TWIST2: variants seen among roughly 807,000 people sequenced by gnomAD.
The protein encoded by TWIST2 is twist family bHLH transcription factor 2.
In TWIST2, 1 loss-of-function variant was observed where a neutral mutation model predicts 11.6. The observed-to-expected ratio is 0.09, with a 90% CI of 0.03 to 0.41. The LOEUF (loss-of-function observed/expected upper bound fraction) is 0.41. Among genes scored for constraint, TWIST2 ranks in the 10% least tolerant of loss-of-function variants. The pLI is 0.98. For missense variants in TWIST2, 168 were observed against 226.4 expected (o/e 0.74, Z 1.66); for synonymous variants, 87 against 96.6 (o/e 0.90, Z 0.58).
chr2:238,875,470 CATGTGATGCTGGCCA>C (rs1692787401), intron 1 of TWIST2, among the ~76,000 whole-genome samples: 1 of 152,122 alleles, frequency 6.6e-6, no homozygotes, highest in African/African-American at 2.4e-5. Context: ...TTTAGAAGTC[CATGTGATGCTGGCCA>C]AGCATCCCAG....
chr2:238,906,356 A>G (rs1390982335), intron 1 of TWIST2, among the ~76,000 whole-genome samples: 2 of 151,844 alleles, frequency 1.3e-5, no homozygotes, highest in Admixed American at 6.6e-5. Flanking sequence ...TGACACACGG[A>G]CCCACTCACG....
chr2:238,883,251 A>T (rs1692969673), intron 1 of TWIST2, among the ~76,000 whole-genome samples: 1 of 151,956 alleles, frequency 6.6e-6, no homozygotes, highest in African/African-American at 2.4e-5. Flanking sequence ...CCAGGCAGTC[A>T]CCCCTCGTGG....
Position 238,909,833 on chromosome 2 carries a change from ATC to A in TWIST2, c.*36-7_*36-6del, listed in dbSNP as rs1693423980. On this transcript the variant is annotated splice_region_variant and splice_polypyrimidine_tract_variant and intron_variant, in intron 1 of 1. Transcript: ENST00000612363. ...CCGTAGCTCACGGTCCCCCTTCCGT[ATC>A]TTCCAGGCTGTCCGTCGCGTCGGCG... The A allele has an allele frequency of 6.6e-6, 1 of 152,272 alleles. No homozygotes were observed. The highest frequency in any genetic ancestry group is 2.4e-5 in the African/African-American group (1 of 41,460). The allele number at this position is 152,272 out of a possible 1,614,324, so 9.4% of individuals were successfully genotyped here. A position where few individuals can be genotyped will look rare whatever the true frequency, so the allele number is the denominator to read the frequency against.
intron 1 of TWIST2, among the ~76,000 whole-genome samples, chr2:238,850,509 C>A (rs545768063): frequency 6.6e-6 from 1 of 152,248 alleles, no homozygotes; most frequent in African/African-American, 2.4e-5. Context: ...CTTTAATTAT[C>A]GTTAAGACTG....
In TWIST2 at chr2:238,908,330, T is replaced by C. The variant is rs977422100; in HGVS notation, c.*36-1512T>C. On this transcript the variant is annotated intron_variant, in intron 1 of 1. Coordinates refer to ENST00000612363, the MANE Select transcript of TWIST2 (RefSeq NM_001271893.4). The stretch of plus-strand genomic sequence containing the variant: ...TACATAGACACCACATACACACACA[T>C]ACCACACACACAAACACACCACACC... Among the ~76,000 whole-genome samples the C allele has an allele frequency of 1.3e-4, 13 of 100,050 alleles. No homozygotes were observed. In the South Asian group the frequency reaches 2.3e-3, roughly 18 times the overall value. 65.6% of individuals were successfully genotyped at this position (100,050 alleles called of 152,430 possible).
At chr2:238,909,347 G>A (rs932449712) in intron 1 of TWIST2, among the ~76,000 whole-genome samples, 5 of 152,076 alleles carry the variant, frequency 3.3e-5, no homozygotes, top group African/African-American at 9.7e-5. Context: ...AGAATCCGCC[G>A]TTGACAGCTC....
At chr2:238,878,670 GGTAACGCAGAACACA>G (rs1258735519) in intron 1 of TWIST2, among the ~76,000 whole-genome samples, 1 of 152,232 alleles carries the variant, frequency 6.6e-6, no homozygotes, top group Non-Finnish European at 1.5e-5. Flanking sequence ...TCCTCCAGGA[GGTAACGCAGAACACA>G]AACCTTTCTC....
intron 1 of TWIST2, among the ~76,000 whole-genome samples, chr2:238,861,572 C>T (rs951158894): frequency 6.6e-6 from 1 of 152,104 alleles, no homozygotes; most frequent in Non-Finnish European, 1.5e-5. Flanking sequence ...TCCTCCACTC[C>T]TCCTCCCTAT....
intron 1 of TWIST2, among the ~76,000 whole-genome samples, chr2:238,862,174 G>A (rs981602246): frequency 2.7e-5 from 4 of 149,642 alleles, no homozygotes; most frequent in Admixed American, 6.6e-5. Context: ...AGGCCTTTCC[G>A]ACCATCTGCT....
chr2:238,898,186 C>T (rs2106372015), intron 1 of TWIST2, among the ~76,000 whole-genome samples: 1 of 152,214 alleles, frequency 6.6e-6, no homozygotes, highest in East Asian at 1.9e-4. Context: ...TTGCCTGTAA[C>T]CAGCTGCCCC....
intron 1 of TWIST2, among the ~76,000 whole-genome samples, chr2:238,886,437 G>A (rs1378539782): frequency 1.3e-5 from 2 of 152,112 alleles, no homozygotes; most frequent in African/African-American, 4.8e-5. Context: ...CAGTATGAGG[G>A]AGAATTCGAA....
In TWIST2 at chr2:238,852,015, T is replaced by G. The variant is rs139721121; in HGVS notation, c.*35+3282T>G. Among the ~76,000 whole-genome samples, 585 of 152,312 alleles carry G rather than the reference T, an allele frequency of 3.8e-3. 2 individuals are homozygous for G. Among genetic ancestry groups the G allele is most frequent in the African/African-American group, 0.013 (555 of 41,574 alleles). On this transcript the variant is annotated intron_variant, in intron 1 of 1. Transcript: ENST00000612363. ...TTGAGATAGAATACTTCACTGAGGT[T>G]TCCTGAAACTCATATTTTCATACAG...
At chr2:238,896,483 G>A (rs1693209080) in intron 1 of TWIST2, among the ~76,000 whole-genome samples, 3 of 152,168 alleles carry the variant, frequency 2.0e-5, no homozygotes, top group Non-Finnish European at 2.9e-5. Flanking sequence ...GCACAGAAAC[G>A]TGGGGTGGGG....
intron 1 of TWIST2, among the ~76,000 whole-genome samples, chr2:238,900,840 C>T (rs1282174017): frequency 6.6e-6 from 1 of 152,082 alleles, no homozygotes; most frequent in Non-Finnish European, 1.5e-5. Flanking sequence ...GGTTGCCCCT[C>T]CTCTTGTTTT....
intron 1 of TWIST2, among the ~76,000 whole-genome samples, chr2:238,880,130 TTA>T (rs1421620638): frequency 6.6e-6 from 1 of 152,002 alleles, no homozygotes; most frequent in Non-Finnish European, 1.5e-5. Flanking sequence ...AGCGTTAGTA[TTA>T]GTGTGTTAGT....
At chr2:238,850,613 T>C (rs1387101814) in intron 1 of TWIST2, among the ~76,000 whole-genome samples, 1 of 152,084 alleles carries the variant, frequency 6.6e-6, no homozygotes. Context: ...ATAATCGCAC[T>C]CCTCAAAACT....
rs563406169 is a variant in TWIST2 at position 238,866,292 on chromosome 2, C to T, written c.*35+17559C>T. ...GCATGTCTGTCCTTTTCACCCTGTA[C>T]CCAGCACTTGGAGCAGTTGCCAGTA... is the stretch of plus-strand genomic sequence containing the variant. On this transcript the variant is annotated intron_variant, in intron 1 of 1. Transcript: ENST00000612363. This position sits in a 1 kb window ranked among gnomAD's most constrained non-coding sequence, Gnocchi z 4.9. Among the ~76,000 whole-genome samples the T allele has an allele frequency of 2.3e-4, 35 of 152,324 alleles. No individual in the cohort carries two copies. Among genetic ancestry groups the T allele is most frequent in the Admixed American group, 2.2e-3 (33 of 15,308 alleles).
rs1229428285 is a variant in TWIST2, at chr2:238,867,370, AACAC to A, written c.*35+18676_*35+18679del. ...CTGGGGAGTAAAATGTCCTGCCTTC[AACAC>A]ACACACACACACACACACACACACA... On this transcript the variant is annotated intron_variant, in intron 1 of 1. Transcript: ENST00000612363. The surrounding 1 kb of genome is among the most constrained non-coding windows in gnomAD (Gnocchi z 4.8). Among the ~76,000 whole-genome samples the A allele has an allele frequency of 4.0e-3, 476 of 119,720 alleles. 6 individuals carry two copies. Among genetic ancestry groups the A allele is most frequent in the South Asian group, 0.024 (77 of 3,220 alleles). 78.5% of individuals were successfully genotyped at this position (119,720 alleles called of 152,430 possible).
chr2:238,875,766 C>T (rs148244292), intron 1 of TWIST2, among the ~76,000 whole-genome samples: 2,414 of 152,304 alleles, frequency 0.016, 68 homozygotes, highest in African/African-American at 0.055. Context: ...CGCATTTCTC[C>T]CCTGTCCCCA....
Sources: gnomAD v4.1 joint callset for allele counts (sites outside exome capture counted in the v4.1 genomes callset) on GRCh38, gnomAD v4.1.1 for gene constraint, Gnocchi (gnomAD v3.1) non-coding constraint, MANE v1.5 for transcripts, NCBI Gene and HGNC (gene_info 2026-07-23, HGNC 2026-07-21) for gene names.